GLI2: variants seen among roughly 807,000 people sequenced by gnomAD.
GLI2 encodes GLI family zinc finger 2, also known as transcription activator GLI2.
Under a neutral mutation model 78.9 loss-of-function variants are expected in GLI2, and 22 were observed. The ratio of observed to expected loss-of-function variants is 0.28; its 90% CI spans 0.20 to 0.40. The LOEUF (loss-of-function observed/expected upper bound fraction) is 0.40. GLI2 is among the 10% of genes least tolerant of loss of function. GLI2 has a pLI of 1.00. For missense variants in GLI2, 2,097 were observed against 2,213.2 expected (o/e 0.95, Z 1.05); for synonymous variants, 974 against 963.7 (o/e 1.01, Z -0.20).
chr2:120,883,471 A>G (rs916614205), intron 2 of GLI2, among the ~76,000 whole-genome samples: 1 of 152,176 alleles, frequency 6.6e-6, no homozygotes, highest in Non-Finnish European at 1.5e-5. Context: ...CAGGTGACAG[A>G]GCGAAACCTT....
chr2:120,900,115 G>A (rs979744284), intron 2 of GLI2, among the ~76,000 whole-genome samples: 1 of 152,224 alleles, frequency 6.6e-6, no homozygotes, highest in African/African-American at 2.4e-5. Flanking sequence ...AGAAGAGGCA[G>A]AATCTCCTGG....
At chr2:120,872,609 C>T (rs1002742216) in intron 2 of GLI2, among the ~76,000 whole-genome samples, 1 of 152,202 alleles carries the variant, frequency 6.6e-6, no homozygotes, top group East Asian at 1.9e-4. Context: ...GCCACCTAGC[C>T]CAGTGATCAG....
chr2:120,921,853 T>A (rs1165133637), intron 2 of GLI2, among the ~76,000 whole-genome samples: 1 of 152,168 alleles, frequency 6.6e-6, no homozygotes, highest in Non-Finnish European at 1.5e-5. Flanking sequence ...CCTCCATCCA[T>A]CCTTCTGTGC....
At chr2:120,930,671 CA>C (rs1157444168) in intron 3 of GLI2, among the ~76,000 whole-genome samples, 2 of 152,266 alleles carry the variant, frequency 1.3e-5, no homozygotes, top group African/African-American at 4.8e-5. Context: ...AGCCCAGCCC[CA>C]TTGAGTCAGA....
chr2:120,970,722 G>T (rs534288741), intron 7 of GLI2, 116 bp downstream of exon 7: 3 of 881,598 alleles, frequency 3.4e-6, no homozygotes, highest in African/African-American at 3.3e-5. Context: ...ACGTCTGGCC[G>T]CTAGGGTGCC....
At chr2:120,902,149 A>G (rs1438088168) in intron 2 of GLI2, among the ~76,000 whole-genome samples, 1 of 151,608 alleles carries the variant, frequency 6.6e-6, no homozygotes, top group Non-Finnish European at 1.5e-5. Flanking sequence ...CATTTACACC[A>G]TGGAAATTGG....
intron 2 of GLI2, among the ~76,000 whole-genome samples, chr2:120,845,307 G>T (rs1449402750): frequency 6.6e-6 from 1 of 152,086 alleles, no homozygotes; most frequent in Admixed American, 6.5e-5. Context: ...AGAAAGAGAT[G>T]CTTTGGAAAT....
intron 4 of GLI2, among the ~76,000 whole-genome samples, chr2:120,952,154 G>A (rs1265886641): frequency 6.6e-6 from 1 of 152,246 alleles, no homozygotes; most frequent in East Asian, 1.9e-4. Context: ...GTCCCACCAT[G>A]CCGTCTCCCT....
Position 120,894,679 on chromosome 2 carries a change from C to T in GLI2, c.149-32682C>T, listed in dbSNP as rs34100719. 4.0e-3 allele frequency among the ~76,000 whole-genome samples: 569 copies of T among 144,038 alleles called. 1 individual carries two copies. The highest frequency in any genetic ancestry group is 5.8e-3 in the Non-Finnish European group (388 of 66,690). 94.5% of individuals were successfully genotyped at this position (144,038 alleles called of 152,430 possible). A position where few individuals can be genotyped will look rare whatever the true frequency, so the allele number is the denominator to read the frequency against. The stretch of plus-strand genomic sequence containing the variant: ...CCCACTTCCATTTTACCTCTTTCCT[C>T]CCATATGGTTTTCTTTTCTTTCTTT... On this transcript the variant is annotated intron_variant, in intron 2 of 13. Transcript: ENST00000361492.
intron 8 of GLI2, among the ~76,000 whole-genome samples, chr2:120,974,660 C>T (rs1682359146): frequency 6.6e-6 from 1 of 152,206 alleles, no homozygotes; most frequent in African/African-American, 2.4e-5. Context: ...TTCCCCACAG[C>T]ACTTCGATGA....
chr2:120,962,857 T>A (rs1349960945), intron 5 of GLI2, among the ~76,000 whole-genome samples: 1 of 152,256 alleles, frequency 6.6e-6, no homozygotes, highest in African/African-American at 2.4e-5. Flanking sequence ...GATTCTTTTT[T>A]AAAAAATGTG....
intron 3 of GLI2, among the ~76,000 whole-genome samples, chr2:120,939,252 A>G (rs1680341235): frequency 6.6e-6 from 1 of 152,160 alleles, no homozygotes; most frequent in Non-Finnish European, 1.5e-5. Context: ...ATTGCACTCC[A>G]GCCTGGGCAA....
intron 2 of GLI2, among the ~76,000 whole-genome samples, chr2:120,823,123 T>C (rs569262223): frequency 3.0e-4 from 45 of 152,264 alleles, no homozygotes; most frequent in African/African-American, 9.9e-4. Flanking sequence ...GAGGCTGTGT[T>C]TGACATGCAG....
intron 3 of GLI2, among the ~76,000 whole-genome samples, chr2:120,929,919 G>A (rs538735425): frequency 1.3e-5 from 2 of 152,352 alleles, no homozygotes; most frequent in African/African-American, 4.8e-5. Flanking sequence ...TGCCCAGTCA[G>A]TGGTGTCTGA....
chr2:120,800,188 G>T lies in GLI2; in HGVS notation c.148+2720G>T, dbSNP rs1057360148. 1.3e-5 allele frequency among the ~76,000 whole-genome samples: 2 copies of T among 152,196 alleles called. No homozygotes were observed. The highest frequency in any genetic ancestry group is 2.9e-5 in the Non-Finnish European group (2 of 68,028). ...CCAAGCCTGGGAGAGGGACAGTGCC[G>T]CAGGGTGCACCCCGGGTGGATGCAA... is the stretch of plus-strand genomic sequence containing the variant. On this transcript the variant is annotated intron_variant, in intron 2 of 13. Transcript: ENST00000361492. The surrounding 1 kb of genome is among the most constrained non-coding windows in gnomAD (Gnocchi z 4.1).
At chr2:120,759,811 G>A (rs766405630) in intron 1 of GLI2, among the ~76,000 whole-genome samples, 5 of 152,078 alleles carry the variant, frequency 3.3e-5, no homozygotes, top group Non-Finnish European at 4.4e-5. Context: ...TCAGGTGACC[G>A]GCTTCCATCC....
At chr2:120,766,678 GCCTCAGTTTCTGCATCTGTAAACTAGGGA>G (rs1159565858) in intron 1 of GLI2, among the ~76,000 whole-genome samples, 1 of 152,234 alleles carries the variant, frequency 6.6e-6, no homozygotes, top group Non-Finnish European at 1.5e-5. Flanking sequence ...AGGTCTTTAT[GCCTCAGTTTCTGCATCTGTAAACTAGGGA>G]CATAATGGTG....
At chr2:120,949,975 C>G (rs1440138311) in intron 3 of GLI2, among the ~76,000 whole-genome samples, 1 of 152,224 alleles carries the variant, frequency 6.6e-6, no homozygotes. Context: ...TTTCACACGT[C>G]CAGCATCAAT....
chr2:120,960,669 T>C (rs1011683815), intron 5 of GLI2, among the ~76,000 whole-genome samples: 2 of 152,224 alleles, frequency 1.3e-5, no homozygotes, highest in Non-Finnish European at 2.9e-5. Context: ...ATCTGGGCCA[T>C]GTGTGGCCCT....
Sources: allele counts gnomAD v4.1 joint callset (sites outside exome capture counted in the v4.1 genomes callset), GRCh38; gene constraint gnomAD v4.1.1; non-coding constraint Gnocchi (gnomAD v3.1); transcripts MANE v1.5; gene names NCBI Gene and HGNC (gene_info 2026-07-23, HGNC 2026-07-21).